The following RLN2 variants were observed in gnomAD, a reference collection of about 807,000 sequenced individuals.
RLN2 encodes relaxin 2.
In RLN2, 10 loss-of-function variants were observed where a neutral mutation model predicts 7.3. The observed-to-expected ratio is 1.36, with a 90% confidence interval of 0.84 to 2.31. RLN2 has a LOEUF of 2.31. RLN2 is among the 30% of genes most tolerant of loss of function. The pLI is 0.00. For missense variants in RLN2, 298 were observed against 217.6 expected (o/e 1.37, Z -2.32); for synonymous variants, 103 against 82.3 (o/e 1.25, Z -1.36).
At chr9:5,337,178 C>T in the RLN2 span, among the ~76,000 whole-genome samples, 4 of 151,866 alleles carry the variant, frequency 2.6e-5, no homozygotes, top group African/African-American at 4.8e-5. Flanking sequence ...CTCATAAAAA[C>T]GTCTCTGTGC....
chr9:5,334,211 G>T, the RLN2 span, among the ~76,000 whole-genome samples: 1 of 151,996 alleles, frequency 6.6e-6, no homozygotes, highest in African/African-American at 2.4e-5. Flanking sequence ...ATTCGAATAG[G>T]AAGAAAGGTC....
At position 5,300,184 on chromosome 9, in the gene RLN2, G is replaced by C; in HGVS notation, c.472C>G (p.Arg158Gly). Reference protein sequence around the residue: ...LKYLGLDTHSRKKRQLYSALA... With the variant: ...LKYLGLDTHSGKKRQLYSALA... ...GCACTGTAGAGTTGTCTCTTTTTTCGAGAATGAGTATCCAAGCCTAAGTAT... is the reference window on the plus strand; with the variant it reads ...GCACTGTAGAGTTGTCTCTTTTTTCCAGAATGAGTATCCAAGCCTAAGTAT... The change falls in exon 2 of 2, where the codon CGA (arginine) becomes GGA (glycine). Residue 158 changes from arginine to glycine, a missense_variant. Transcript: ENST00000381627. 11 of 1,612,558 alleles carry C rather than the reference G, an allele frequency of 6.8e-6. No homozygotes were observed. The highest frequency in any genetic ancestry group is 8.5e-6 in the Non-Finnish European group (10 of 1,179,496).
the RLN2 span, among the ~76,000 whole-genome samples, chr9:5,321,198 T>C: frequency 1.3e-5 from 2 of 152,138 alleles, no homozygotes; most frequent in African/African-American, 2.4e-5. Context: ...TAAGTATGAA[T>C]GTGAAGGCCA....
the RLN2 span, chr9:5,335,226 C>A: frequency 2.8e-6 from 4 of 1,428,402 alleles, no homozygotes; most frequent in Non-Finnish European, 2.9e-6. Context: ...GAAAATTAGA[C>A]AAGATGTGCA....
At chr9:5,318,334 T>C in the RLN2 span, among the ~76,000 whole-genome samples, 1 of 151,924 alleles carries the variant, frequency 6.6e-6, no homozygotes, top group Non-Finnish European at 1.5e-5. Flanking sequence ...GTTGGAAAAA[T>C]GAACATCTCG....
In RLN2 at chr9:5,300,075, A is replaced by C; in HGVS notation, c.*23T>G. 7.1e-7 allele frequency: 1 copy of C among 1,409,932 alleles called. No homozygotes were observed. The highest frequency in any genetic ancestry group is 1.3e-5 in the South Asian group (1 of 79,216). 87.3% of individuals were successfully genotyped at this position (1,409,932 alleles called of 1,614,324 possible). A position where few individuals can be genotyped will look rare whatever the true frequency, so the allele number is the denominator to read the frequency against. ...TAAGAATATGTGTGAATATTATACGAGATGTGCACAATTAGCTTCATCTCA... is the reference window on the plus strand; with the variant it reads ...TAAGAATATGTGTGAATATTATACGCGATGTGCACAATTAGCTTCATCTCA... On this transcript the variant is annotated 3_prime_UTR_variant, in exon 2 of 2. Coordinates refer to ENST00000381627, the MANE Select transcript of RLN2 (RefSeq NM_134441.3).
At chr9:5,307,171 C>T (rs1816265854), upstream of RLN2, among the ~76,000 whole-genome samples, 1 of 151,712 alleles carries the variant, frequency 6.6e-6, no homozygotes, top group African/African-American at 2.4e-5. Context: ...TTCTCACAGG[C>T]TCTTATAAGT....
the RLN2 span, among the ~76,000 whole-genome samples, chr9:5,326,318 A>G: frequency 6.6e-6 from 1 of 152,100 alleles, no homozygotes; most frequent in Non-Finnish European, 1.5e-5. Context: ...CTTTTAGGCT[A>G]GAAGGGGAAG....
chr9:5,301,659 C>T (rs563364699), intron 1 of RLN2, among the ~76,000 whole-genome samples: 44 of 152,248 alleles, frequency 2.9e-4, no homozygotes, highest in Admixed American at 1.3e-4. Context: ...AATCTAAGTG[C>T]GGGAGGCAGA....
At chr9:5,329,325 A>AAG in the RLN2 span, among the ~76,000 whole-genome samples, 106 of 149,870 alleles carry the variant, frequency 7.1e-4, no homozygotes, top group Non-Finnish European at 7.5e-4. Flanking sequence ...AAAAAAAAAA[A>AAG]AAAAGAAAAG....
At chr9:5,329,827 C>T in the RLN2 span, among the ~76,000 whole-genome samples, 1 of 151,884 alleles carries the variant, frequency 6.6e-6, no homozygotes, top group East Asian at 1.9e-4. Context: ...TTTAACACCC[C>T]ACTGTCAATA....
the RLN2 span, among the ~76,000 whole-genome samples, chr9:5,327,123 A>T: frequency 2.0e-5 from 3 of 152,162 alleles, no homozygotes; most frequent in South Asian, 4.2e-4. Context: ...AAGGTTGGGG[A>T]GGATTTCCCT....
At chr9:5,321,586 T>C in the RLN2 span, among the ~76,000 whole-genome samples, 2 of 149,550 alleles carry the variant, frequency 1.3e-5, no homozygotes, top group Admixed American at 1.3e-4. Context: ...AGGAAGGAAA[T>C]AAGGCAGGAA....
chr9:5,308,884 A>C (rs1816299378), upstream of RLN2, among the ~76,000 whole-genome samples: 1 of 152,096 alleles, frequency 6.6e-6, no homozygotes, highest in Admixed American at 6.5e-5. Flanking sequence ...CTTTCGTGGT[A>C]ACCAGGGGTC....
At chr9:5,317,080 C>T in the RLN2 span, among the ~76,000 whole-genome samples, 1 of 151,722 alleles carries the variant, frequency 6.6e-6, no homozygotes, top group Admixed American at 6.6e-5. Flanking sequence ...ATAGCAGATA[C>T]ACAACTGATA....
At chr9:5,332,907 G>A in the RLN2 span, among the ~76,000 whole-genome samples, 7 of 151,880 alleles carry the variant, frequency 4.6e-5, no homozygotes, top group East Asian at 9.7e-4. Flanking sequence ...ATGAGCCACC[G>A]CGCCCGGCCA....
chr9:5,314,044 C>T, the RLN2 span, among the ~76,000 whole-genome samples: 21 of 151,998 alleles, frequency 1.4e-4, no homozygotes, highest in Non-Finnish European at 2.6e-4. Context: ...GTCCTCACCT[C>T]TGGTGACCCC....
chr9:5,307,354 A>C (rs1816275253), upstream of RLN2, among the ~76,000 whole-genome samples: 1 of 151,898 alleles, frequency 6.6e-6, no homozygotes, highest in Non-Finnish European at 1.5e-5. Flanking sequence ...TGCAAAATAC[A>C]TTTTTATTAA....
At chr9:5,335,325 G>A in the RLN2 span, 74 of 1,611,846 alleles carry the variant, frequency 4.6e-5, no homozygotes, top group African/African-American at 5.4e-5. Context: ...ACGTAGGGTC[G>A]TCTCTTTTTT....
Sources: gnomAD v4.1 joint callset for allele counts (sites outside exome capture counted in the v4.1 genomes callset) on GRCh38, gnomAD v4.1.1 for gene constraint, MANE v1.5 for transcripts, NCBI Gene and HGNC (gene_info 2026-07-23, HGNC 2026-07-21) for gene names.